Variants in ESRRG observed in about 807,000 individuals in gnomAD.
The protein encoded by ESRRG is estrogen-related receptor gamma.
Under a neutral mutation model 44.0 loss-of-function variants are expected in ESRRG, and 13 were observed. The observed-to-expected ratio is 0.30, with a 90% CI of 0.19 to 0.47. The LOEUF is 0.47. Among genes scored for constraint, ESRRG ranks in the 20% least tolerant of loss-of-function variants. ESRRG has a pLI of 1.00. For synonymous variants in ESRRG, 215 were observed against 214.6 expected, an observed-to-expected ratio of 1.00 and a Z score of -0.02; for missense variants, 395 against 580.6, an observed-to-expected ratio of 0.68 and a Z score of 3.29.
At chr1:216,871,289 T>C (rs1202262851) in intron 2 of ESRRG, among the ~76,000 whole-genome samples, 1 of 152,060 alleles carries the variant, frequency 6.6e-6, no homozygotes, top group African/African-American at 2.4e-5. Flanking sequence ...GACATTTTCC[T>C]ATCTTTCTCT....
At chr1:216,735,979 C>CA (rs5780916) in intron 2 of ESRRG, among the ~76,000 whole-genome samples, 26,167 of 115,214 alleles carry the variant, frequency 0.23, 3,371 homozygotes, top group Middle Eastern at 0.26. Context: ...CTCCCCATCT[C>CA]AAAAAAAAAT....
At chr1:217,070,308 G>C (rs531309614) in intron 1 of ESRRG, among the ~76,000 whole-genome samples, 1 of 152,116 alleles carries the variant, frequency 6.6e-6, no homozygotes, top group Admixed American at 6.5e-5. Flanking sequence ...TAAACTCCTA[G>C]TATTCTAATA....
intron 1 of ESRRG, among the ~76,000 whole-genome samples, chr1:217,129,825 CTG>C (rs1037652637): frequency 7.2e-4 from 110 of 152,056 alleles, no homozygotes; most frequent in African/African-American, 2.5e-3. Flanking sequence ...TGAGGAGTGA[CTG>C]TTTACAGGAT....
In ESRRG at chr1:216,526,004, C is replaced by A. The variant is rs147528014; in HGVS notation, c.863-6583G>T. ...CAAAATAAACACATACAGGCTCTAT[C>A]TTGAACCTTGGAGAAAGCTGACAGA... On this transcript the variant is annotated intron_variant, in intron 5 of 6. Transcript: ENST00000408911. 8.4e-4 allele frequency among the ~76,000 whole-genome samples: 128 copies of A among 152,282 alleles called. 1 individual carries two copies. The East Asian group carries it at 0.011, about 13-fold the overall frequency.
intron 2 of ESRRG, among the ~76,000 whole-genome samples, chr1:216,781,486 A>G (rs910010150): frequency 1.3e-5 from 2 of 152,044 alleles, no homozygotes; most frequent in Non-Finnish European, 2.9e-5. Context: ...GAGCATATGC[A>G]GAAGAGGTCC....
chr1:217,069,072 G>A (rs974414732), intron 1 of ESRRG, among the ~76,000 whole-genome samples: 1 of 152,182 alleles, frequency 6.6e-6, no homozygotes, highest in East Asian at 1.9e-4. Flanking sequence ...TGTTGCCAAA[G>A]GAAATTAACA....
chr1:216,707,383 A>G (rs1430875849), intron 1 of ESRRG: 7 of 1,535,914 alleles, frequency 4.6e-6, no homozygotes, highest in Non-Finnish European at 6.1e-6. Flanking sequence ...AACACAGGCC[A>G]GATCAGACTT....
chr1:216,658,764 CG>C (rs1487069380), intron 2 of ESRRG, among the ~76,000 whole-genome samples: 1 of 151,320 alleles, frequency 6.6e-6, no homozygotes, highest in Non-Finnish European at 1.5e-5. Flanking sequence ...ACCCAGAAGG[CG>C]GAGGTTGGAG....
rs11572480 is a variant in ESRRG, at chr1:216,944,855, T to C, written c.-105-5182A>G. On this transcript the variant is annotated intron_variant, in intron 1 of 7. Transcript: ENST00000359162. ...GAATAACAGAGATCAACTCACAGTA[T>C]TAGAACCTACAGGAACGGCTGGGCA... Among the ~76,000 whole-genome samples the C allele has an allele frequency of 3.2e-4, 49 of 152,196 alleles. 1 individual carries two copies. Among genetic ancestry groups the C allele is most frequent in the Admixed American group, 2.1e-3 (32 of 15,284 alleles).
rs74873425 is a variant in ESRRG at position 216,807,383 on chromosome 1, T to C, written c.-13-129892A>G. ...CATATTAGAAAGTTGATCAAGAGTC[T>C]GAGAAAAACATATCACATTGCTATT... On this transcript the variant is annotated intron_variant, in intron 2 of 7. Coordinates refer to the ESRRG transcript ENST00000359162. Among the ~76,000 whole-genome samples the C allele has an allele frequency of 3.0e-3, 458 of 152,304 alleles. 10 individuals carry two copies. In the East Asian group the frequency reaches 0.039, roughly 13 times the overall value.
chr1:216,834,094 A>G (rs1157710585), intron 2 of ESRRG, among the ~76,000 whole-genome samples: 1 of 152,170 alleles, frequency 6.6e-6, no homozygotes, highest in Non-Finnish European at 1.5e-5. Flanking sequence ...TGAAAGAGAA[A>G]GAGCTAGAGT....
At chr1:216,525,185 G>A (rs959202968) in intron 5 of ESRRG, among the ~76,000 whole-genome samples, 10 of 152,056 alleles carry the variant, frequency 6.6e-5, no homozygotes, top group African/African-American at 2.4e-4. Context: ...GATGACAAGA[G>A]GTTTTGTTTT....
At chr1:216,992,075 A>G (rs1348758038) in intron 1 of ESRRG, among the ~76,000 whole-genome samples, 1 of 152,110 alleles carries the variant, frequency 6.6e-6, no homozygotes, top group Non-Finnish European at 1.5e-5. Flanking sequence ...TGCAGTCTGG[A>G]TTTTTCAGAC....
Position 217,038,221 on chromosome 1 carries a change from C to A in ESRRG, c.-106+51286G>T, listed in dbSNP as rs1016386995. 5.3e-5 allele frequency among the ~76,000 whole-genome samples: 8 copies of A among 152,332 alleles called. No individual in the cohort carries two copies. In the East Asian group the frequency reaches 1.4e-3, roughly 26 times the overall value. ...AATCCCACATTTTCCTTTGTCATTG[C>A]CCTAGCAGAGGTTCTCCGTGAGGGC... On this transcript the variant is annotated intron_variant, in intron 1 of 7. Transcript: ENST00000359162.
chr1:216,667,361 A>G (rs2074157618), intron 2 of ESRRG, among the ~76,000 whole-genome samples: 1 of 152,140 alleles, frequency 6.6e-6, no homozygotes, highest in Non-Finnish European at 1.5e-5. Flanking sequence ...TGTAACAGGT[A>G]CTTTATAAGT....
intron 1 of ESRRG, among the ~76,000 whole-genome samples, chr1:216,994,638 G>A (rs911310506): frequency 1.3e-5 from 2 of 152,092 alleles, no homozygotes; most frequent in African/African-American, 4.8e-5. Context: ...CTGGAGTGCA[G>A]TGGCGCTATG....
At chr1:216,892,725 T>C (rs944168426) in intron 2 of ESRRG, among the ~76,000 whole-genome samples, 1 of 152,130 alleles carries the variant, frequency 6.6e-6, no homozygotes, top group Admixed American at 6.6e-5. Context: ...TCTATGGCAA[T>C]GAACACAGCA....
At chr1:216,692,569 A>C (rs971737367) in intron 1 of ESRRG, among the ~76,000 whole-genome samples, 2 of 152,138 alleles carry the variant, frequency 1.3e-5, no homozygotes, top group South Asian at 4.1e-4. Flanking sequence ...TGAACAAAGA[A>C]AATTTTTAAA....
chr1:216,984,962 T>C (rs374488880), intron 1 of ESRRG, among the ~76,000 whole-genome samples: 34 of 152,338 alleles, frequency 2.2e-4, no homozygotes, highest in African/African-American at 4.8e-4. Flanking sequence ...AATAATTTCA[T>C]ACAAATCACC....
Sources: gnomAD v4.1 joint callset for allele counts (sites outside exome capture counted in the v4.1 genomes callset) on GRCh38, gnomAD v4.1.1 for gene constraint, MANE v1.5 for transcripts, NCBI Gene and HGNC (gene_info 2026-07-23, HGNC 2026-07-21) for gene names.